ZNF682: variants seen among roughly 807,000 people sequenced by gnomAD.
ZNF682 encodes the protein zinc finger protein 682.
Under a neutral mutation model 36.5 loss-of-function variants are expected in ZNF682, and 29 were observed. The ratio of observed to expected loss-of-function variants is 0.80; its 90% CI spans 0.59 to 1.08. The LOEUF (loss-of-function observed/expected upper bound fraction) is 1.08, where lower values mean the gene tolerates loss of function less well. Among genes scored for constraint, ZNF682 ranks in the 50% least tolerant of loss-of-function variants. The pLI, the probability that ZNF682 is intolerant of heterozygous loss-of-function variation, is 0.00. For missense variants in ZNF682, 561 were observed against 579.7 expected (o/e 0.97, Z 0.33); for synonymous variants, 180 against 197.0 (o/e 0.91, Z 0.72).
rs1199531395 is a variant in ZNF682 at position 20,005,051 on chromosome 19, A to T, written c.*954T>A. The T allele has an allele frequency of 6.6e-6, 1 of 151,972 alleles. No homozygotes were observed. The highest frequency in any genetic ancestry group is 1.5e-5 in the Non-Finnish European group (1 of 67,972). 9.4% of individuals were successfully genotyped at this position (151,972 alleles called of 1,614,324 possible). On this transcript the variant is annotated 3_prime_UTR_variant, in exon 4 of 4. Transcript: ENST00000397165. ...TTTATTAATTTTTTATATTTACTGC[A>T]TCTGTTAAATGCTTTCATATAAACT...
At chr19:20,010,143 G>A (rs1177226201) in intron 3 of ZNF682, among the ~76,000 whole-genome samples, 1 of 152,098 alleles carries the variant, frequency 6.6e-6, no homozygotes, top group African/African-American at 2.4e-5. Flanking sequence ...CAACCACTAG[G>A]TGAATTAACT....
rs770664417 is a variant in ZNF682 at position 20,024,294 on chromosome 19, T to C, written c.86A>G (p.Tyr29Cys). ...EFLNPAQQSL[Y>C]RKVMLENYRN... ...GTAGTTCTCTAGCATCACTTTCCTA[T>C]ACAAACTCTGCTGAGCAGGGTTCAG... Residue 29 changes from tyrosine (Y) to cysteine (C), a missense_variant, in exon 2 of 4, where the codon TAT becomes TGT. Tyr to Cys is a radical substitution (Grantham distance 194, BLOSUM62 -2). Coordinates refer to ENST00000397165, the MANE Select transcript of ZNF682 (RefSeq NM_033196.3). The C allele has an allele frequency of 2.9e-5, 47 of 1,614,150 alleles. No homozygotes were observed. The East Asian group carries it at 4.0e-4, about 14-fold the overall frequency.
intron 1 of ZNF682, among the ~76,000 whole-genome samples, chr19:20,029,133 C>A (rs1311008900): frequency 6.6e-6 from 1 of 151,776 alleles, no homozygotes; most frequent in Non-Finnish European, 1.5e-5. Context: ...TGCCTGCCAC[C>A]ACGGCCAGCT....
At chr19:20,036,217 T>C (rs2088527509) in intron 1 of ZNF682, among the ~76,000 whole-genome samples, 1 of 152,136 alleles carries the variant, frequency 6.6e-6, no homozygotes, top group Admixed American at 6.5e-5. Context: ...GAGCAGCAGT[T>C]TTCTATTGAA....
intron 3 of ZNF682, chr19:20,015,140 C>A: frequency 1.1e-6 from 1 of 932,642 alleles, no homozygotes; most frequent in Non-Finnish European, 1.3e-6. Flanking sequence ...AACAATTACA[C>A]CTAAAATAAA....
intron 1 of ZNF682, chr19:20,031,151 G>A (rs2088476286): frequency 6.6e-6 from 1 of 152,234 alleles, no homozygotes; most frequent in Admixed American, 6.5e-5. Context: ...TTCCCTGGTA[G>A]AGCTTCAGAT....
At chr19:20,023,294 C>A (rs142209031) in intron 2 of ZNF682, among the ~76,000 whole-genome samples, 195 bp from the exon 3 acceptor site, 1,792 of 152,098 alleles carry the variant, frequency 0.012, 18 homozygotes, top group South Asian at 0.031. Context: ...GTCAGGAGAT[C>A]GAGACCATCC....
At chr19:20,029,846 AATAT>A (rs1876907669) in intron 1 of ZNF682, among the ~76,000 whole-genome samples, 2 of 151,974 alleles carry the variant, frequency 1.3e-5, no homozygotes, top group Admixed American at 6.6e-5. Context: ...AAAGACCAAA[AATAT>A]TTAGTTATTT....
At chr19:20,002,185 C>G (rs986846849), downstream of ZNF682, among the ~76,000 whole-genome samples, 8 of 151,858 alleles carry the variant, frequency 5.3e-5, no homozygotes, top group African/African-American at 1.9e-4. Context: ...CAGGTTCAAG[C>G]GATTCCCCTG....
chr19:20,034,887 C>T (rs1599619424), intron 1 of ZNF682, among the ~76,000 whole-genome samples: 1 of 151,884 alleles, frequency 6.6e-6, no homozygotes, highest in South Asian at 2.1e-4. Context: ...GCCTCAGGTC[C>T]AAAGTTCGAG....
chr19:19,996,503 A>G (rs1013023823), downstream of ZNF682, among the ~76,000 whole-genome samples: 2 of 152,276 alleles, frequency 1.3e-5, no homozygotes, highest in Non-Finnish European at 2.9e-5. Context: ...ACTCAGCCAT[A>G]AAATGGAACA....
In ZNF682 at chr19:20,005,433, T is replaced by C. The variant is rs1368026880; in HGVS notation, c.*572A>G. On this transcript the variant is annotated 3_prime_UTR_variant, in exon 4 of 4. Transcript: ENST00000397165. ...ATATTCATTACAGTTGTAGGGTTTCTTTCCAATGTAAATTATCTAAAATGG... is the reference window on the plus strand; with the variant it reads ...ATATTCATTACAGTTGTAGGGTTTCCTTCCAATGTAAATTATCTAAAATGG... The C allele has an allele frequency of 6.6e-6, 1 of 152,578 alleles. No homozygotes were observed. The highest frequency in any genetic ancestry group is 1.5e-5 in the Non-Finnish European group (1 of 68,330). 9.5% of individuals were successfully genotyped at this position (152,578 alleles called of 1,614,324 possible).
intron 3 of ZNF682, among the ~76,000 whole-genome samples, chr19:20,010,896 C>T (rs546365802): frequency 6.6e-6 from 1 of 151,850 alleles, no homozygotes; most frequent in East Asian, 1.9e-4. Context: ...ATCCAGGAGG[C>T]AGAGGTTGCA....
chr19:20,012,648 G>A (rs2122327755), intron 3 of ZNF682, among the ~76,000 whole-genome samples: 1 of 151,648 alleles, frequency 6.6e-6, no homozygotes, highest in African/African-American at 2.4e-5. Context: ...GGCGCCTGTA[G>A]TCTCAGCTGC....
intron 1 of ZNF682, among the ~76,000 whole-genome samples, chr19:20,035,616 T>C (rs1431002699): frequency 6.6e-6 from 1 of 152,212 alleles, no homozygotes; most frequent in Non-Finnish European, 1.5e-5. Flanking sequence ...TTATCTGTAA[T>C]ATTAATTCAG....
At position 20,024,375 on chromosome 19, in the gene ZNF682, T is replaced by C. The variant is rs754974884; in HGVS notation, c.5A>G (p.Glu2Gly). ...GGTCACATCCCTGAATGTCAACAGTTCCTGAAAAACAAAACAAAACATAGT... is the reference window on the plus strand; with the variant it reads ...GGTCACATCCCTGAATGTCAACAGTCCCTGAAAAACAAAACAAAACATAGT... M[E>G]LLTFRDVTIE... Residue 2 changes from glutamate (E) to glycine (G), a missense_variant and splice_region_variant, in exon 2 of 4, where the codon GAA becomes GGA. Physicochemically the swap from Glu to Gly is moderately conservative, Grantham distance 98 (BLOSUM62 -2). Coordinates refer to ENST00000397165, the MANE Select transcript of ZNF682 (RefSeq NM_033196.3). 2 of 1,606,278 alleles carry C rather than the reference T, an allele frequency of 1.2e-6. No individual in the cohort carries two copies. Among genetic ancestry groups the C allele is most frequent in the Non-Finnish European group, 1.7e-6 (2 of 1,177,730 alleles).
chr19:19,996,987 C>G (rs984684307), downstream of ZNF682: 1 of 366,264 alleles, frequency 2.7e-6, no homozygotes, highest in Non-Finnish European at 4.8e-6. Context: ...CACACAGACA[C>G]ACACACAGAA....
chr19:20,006,534 T>C lies in ZNF682; in HGVS notation c.968A>G (p.Asn323Ser). The C allele has an allele frequency of 6.2e-7, 1 of 1,614,106 alleles. No individual in the cohort carries two copies. The highest frequency in any genetic ancestry group is 8.5e-7 in the Non-Finnish European group (1 of 1,180,002). Residue 323 changes from asparagine to serine, a missense_variant, in exon 4 of 4, where the codon AAC becomes AGC. Coordinates refer to ENST00000397165, the MANE Select transcript of ZNF682 (RefSeq NM_033196.3). ...YKCKECGKAF[N>S]HCSLLTIHER... ...ATGTATAGTAAGTAGTGAGCAGTGG[T>C]TAAAGGCTTTCCCACATTCTTTACA...
chr19:20,006,042 CCA>C lies in ZNF682; in HGVS notation c.1458_1459del (p.Cys486TrpfsTer5), dbSNP rs1568536664. On this transcript the variant is annotated frameshift_variant, in exon 4 of 4. Coordinates refer to ENST00000397165, the MANE Select transcript of ZNF682 (RefSeq NM_033196.3). LOFTEE classifies it high-confidence loss of function. ...GTTTGAGCAGTGATTAAAAGCTTCCCCACATTTTTTATACTTGCAGGATTTCT... is the reference window on the plus strand; with the variant it reads ...GTTTGAGCAGTGATTAAAAGCTTCCCCATTTTTTATACTTGCAGGATTTCT... 1.2e-6 allele frequency: 2 copies of C among 1,606,058 alleles called. No individual in the cohort carries two copies. The highest frequency in any genetic ancestry group is 1.7e-6 in the Non-Finnish European group (2 of 1,175,040).
Sources: gnomAD v4.1 joint callset for allele counts (sites outside exome capture counted in the v4.1 genomes callset) on GRCh38, gnomAD v4.1.1 for gene constraint, MANE v1.5 for transcripts, NCBI Gene and HGNC (gene_info 2026-07-23, HGNC 2026-07-21) for gene names.